The following DNM3 variants were observed in gnomAD, a reference collection of about 807,000 sequenced individuals.
The protein encoded by DNM3 is dynamin-3.
In DNM3, 47 loss-of-function variants were observed where a neutral mutation model predicts 101.6. That is an observed-to-expected ratio of 0.46 (90% CI 0.37 to 0.59). The LOEUF (loss-of-function observed/expected upper bound fraction) is 0.59, where lower values mean the gene tolerates loss of function less well. DNM3 is among the 20% of genes least tolerant of loss of function. The pLI, the probability that DNM3 is intolerant of heterozygous loss-of-function variation, is 0.00. For missense variants in DNM3, 849 were observed against 1,085.7 expected (o/e 0.78, Z 3.06); for synonymous variants, 385 against 387.9 (o/e 0.99, Z 0.09).
At chr1:171,955,312 A>G (rs16843624) in intron 2 of DNM3, among the ~76,000 whole-genome samples, 4,137 of 152,350 alleles carry the variant, frequency 0.027, 189 homozygotes, top group African/African-American at 0.092. Flanking sequence ...ACATTTCATC[A>G]TTTCAAAGAG....
At chr1:172,110,150 C>T (rs770548290) in intron 13 of DNM3, among the ~76,000 whole-genome samples, 2 of 152,218 alleles carry the variant, frequency 1.3e-5, no homozygotes, top group Non-Finnish European at 2.9e-5. Context: ...GCCCCTGACA[C>T]TCCTGAATTC....
chr1:172,095,496 A>G (rs1329513538), intron 13 of DNM3, among the ~76,000 whole-genome samples: 1 of 152,224 alleles, frequency 6.6e-6, no homozygotes, highest in Non-Finnish European at 1.5e-5. Flanking sequence ...GAAATAAACC[A>G]TAATGACTTG....
rs71107337 is a variant in DNM3 at position 171,883,363 on chromosome 1, CCACACACACACACACACA to C, written c.162-38351_162-38334del. ...CCATCTCTAAAAAAACAAAAAAGGA[CCACACACACACACACACA>C]CACACACACACACACACACACACAC... On this transcript the variant is annotated intron_variant, in intron 1 of 20. Transcript: ENST00000627582. Among the ~76,000 whole-genome samples, 32 of 119,996 alleles carry C rather than the reference CCACACACACACACACACA, an allele frequency of 2.7e-4. 1 individual carries two copies. The highest frequency in any genetic ancestry group is 4.8e-4 in the East Asian group (2 of 4,130). The allele number at this position is 119,996 out of a possible 152,430, so 78.7% of individuals were successfully genotyped here. A position where few individuals can be genotyped will look rare whatever the true frequency, so the allele number is the denominator to read the frequency against.
rs113865753 is a variant in DNM3 at position 172,348,424 on chromosome 1, A to G, written c.1893+25084A>G. 1.9e-3 allele frequency among the ~76,000 whole-genome samples: 296 copies of G among 152,350 alleles called. 1 individual carries two copies. The highest frequency in any genetic ancestry group is 6.8e-3 in the African/African-American group (281 of 41,594). On this transcript the variant is annotated intron_variant, in intron 17 of 20. Coordinates refer to ENST00000627582, the MANE Select transcript of DNM3 (RefSeq NM_015569.5). ...GAAGCCAGAAAGCTAGGTCACCTAC[A>G]AAGGAGTGGAATTAGACGGACTGCT...
intron 8 of DNM3, among the ~76,000 whole-genome samples, chr1:172,042,758 A>T (rs750481190): frequency 6.6e-6 from 1 of 152,172 alleles, no homozygotes. Context: ...GGAGAGGGGC[A>T]TGAAGTGAAT....
chr1:172,032,266 T>G, intron 4 of DNM3, 136 bp from the exon 5 acceptor site: 2 of 677,186 alleles, frequency 3.0e-6, no homozygotes, highest in Non-Finnish European at 2.5e-6. Flanking sequence ...AAGTAGCACT[T>G]AGAAAACAAA....
rs370507711 is a variant in DNM3 at position 171,989,127 on chromosome 1, G to T, written c.568G>T (p.Ala190Ser). The part of the protein sequence containing the change: ...DLANSDALKL[A>S]KEVDPQGLRT... ...TGCAAACTCAGATGCGCTGAAGCTA[G>T]CTAAAGAAGTTGATCCTCAAGGTGA... The change falls in exon 4 of 21, where the codon GCT becomes TCT. Residue 190 changes from alanine to serine, a missense_variant. By Grantham distance (99) the Ala-to-Ser change is moderately conservative (BLOSUM62 1). Transcript: ENST00000627582. The T allele has an allele frequency of 5.6e-6, 9 of 1,612,756 alleles. No homozygotes were observed. The highest frequency in any genetic ancestry group is 7.6e-6 in the Non-Finnish European group (9 of 1,179,296).
chr1:172,374,862 T>C (rs2068521135), intron 17 of DNM3, among the ~76,000 whole-genome samples: 1 of 152,126 alleles, frequency 6.6e-6, no homozygotes, highest in South Asian at 2.1e-4. Flanking sequence ...TTCATACCTT[T>C]GTCCATCTTT....
chr1:171,843,739 G>T (rs528293653), intron 1 of DNM3, among the ~76,000 whole-genome samples: 1 of 152,118 alleles, frequency 6.6e-6, no homozygotes, highest in East Asian at 1.9e-4. Flanking sequence ...TAATAAAATT[G>T]TACACATCTC....
At chr1:171,886,413 T>C (rs966966571) in intron 1 of DNM3, among the ~76,000 whole-genome samples, 1 of 152,164 alleles carries the variant, frequency 6.6e-6, no homozygotes, top group African/African-American at 2.4e-5. Context: ...AAAATTGTTT[T>C]AAGAAGATTC....
intron 14 of DNM3, among the ~76,000 whole-genome samples, chr1:172,149,493 C>T (rs999964466): frequency 6.6e-6 from 1 of 152,094 alleles, no homozygotes; most frequent in Non-Finnish European, 1.5e-5. Context: ...TTGTTGCTGG[C>T]CTTTTCAGGC....
At chr1:172,186,466 A>C (rs1448587605) in intron 14 of DNM3, among the ~76,000 whole-genome samples, 2 of 152,002 alleles carry the variant, frequency 1.3e-5, no homozygotes, top group Admixed American at 1.3e-4. Context: ...GGGTAAAATA[A>C]TATAGAAGAG....
chr1:172,143,963 G>T (rs2057735514), intron 14 of DNM3, among the ~76,000 whole-genome samples: 1 of 152,066 alleles, frequency 6.6e-6, no homozygotes, highest in African/African-American at 2.4e-5. Flanking sequence ...TTAAAAACCA[G>T]CAAGTATTCT....
intron 14 of DNM3, chr1:172,138,862 G>A (rs2057406172): frequency 2.1e-6 from 1 of 475,632 alleles, no homozygotes; most frequent in Admixed American, 2.3e-5. Context: ...GTTCTGCACA[G>A]CAAGTGTAGA....
chr1:172,225,134 C>CTTTTTTTT lies in DNM3; in HGVS notation c.1660-28421_1660-28414dup, dbSNP rs1168334078. Among the ~76,000 whole-genome samples the CTTTTTTTT allele has an allele frequency of 3.3e-3, 216 of 65,522 alleles. 19 individuals carry two copies. The highest frequency in any genetic ancestry group is 4.1e-3 in the Non-Finnish European group (153 of 37,070). The allele number at this position is 65,522 out of a possible 152,430, so 43.0% of individuals were successfully genotyped here. The stretch of plus-strand genomic sequence containing the variant: ...CATGTCCCTCCTGTTTCTTCTTCCT[C>CTTTTTTTT]TTTTTTTTTTTTTTTTTTTTTTTTT... On this transcript the variant is annotated intron_variant, in intron 14 of 20. Coordinates refer to ENST00000627582, the MANE Select transcript of DNM3 (RefSeq NM_015569.5).
At chr1:172,359,702 T>C (rs1422426389) in intron 17 of DNM3, among the ~76,000 whole-genome samples, 2 of 152,032 alleles carry the variant, frequency 1.3e-5, no homozygotes, top group African/African-American at 4.8e-5. Context: ...TTAAAAGTCT[T>C]TTAAGTGTGG....
In DNM3 at chr1:172,388,768, A is replaced by G; in HGVS notation, c.2481A>G (p.Gln827=). Residue 827 remains glutamine (Q), a synonymous_variant, in exon 20 of 21, where the codon CAA becomes CAG. Coordinates refer to ENST00000627582, the MANE Select transcript of DNM3 (RefSeq NM_015569.5). ...GTGACTCCTTCGGAGCCCCTCCACA[A>G]GTTCCATCTAGGCCTACGAGGGCCC... The part of the protein sequence containing the change: ...SSSDSFGAPP[Q]VPSRPTRAPP... 6.2e-7 allele frequency: 1 copy of G among 1,606,850 alleles called. No individual in the cohort carries two copies. The highest frequency in any genetic ancestry group is 1.3e-5 in the African/African-American group (1 of 74,840).
intron 4 of DNM3, among the ~76,000 whole-genome samples, chr1:172,023,849 T>G (rs1479776682): frequency 1.1e-4 from 17 of 150,656 alleles, no homozygotes; most frequent in Admixed American, 5.9e-4. Context: ...CAATGTGGTT[T>G]TTTTTTTTTT....
intron 13 of DNM3, among the ~76,000 whole-genome samples, chr1:172,102,574 T>A (rs1051040813): frequency 2.0e-5 from 3 of 152,148 alleles, no homozygotes; most frequent in Admixed American, 6.5e-5. Flanking sequence ...GAAGAGATTA[T>A]CTTATCTACT....
Sources: gnomAD v4.1 joint callset for allele counts (sites outside exome capture counted in the v4.1 genomes callset) on GRCh38, gnomAD v4.1.1 for gene constraint, MANE v1.5 for transcripts, NCBI Gene and HGNC (gene_info 2026-07-23, HGNC 2026-07-21) for gene names.